SLC13A3: variants seen among roughly 807,000 people sequenced by gnomAD.
SLC13A3 encodes solute carrier family 13 member 3, also known as Na(+)/dicarboxylate cotransporter 3.
A neutral mutation model predicts 59.0 loss-of-function variants in SLC13A3; 40 were observed. The observed-to-expected ratio is 0.68, with a 90% CI of 0.53 to 0.88. The LOEUF (loss-of-function observed/expected upper bound fraction) is 0.88, where lower values mean the gene tolerates loss of function less well. Among genes scored for constraint, SLC13A3 ranks in the 40% least tolerant of loss-of-function variants. The pLI is 0.00. For synonymous variants in SLC13A3, 317 were observed against 330.3 expected, an observed-to-expected ratio of 0.96 and a Z score of 0.44; for missense variants, 699 against 783.2, an observed-to-expected ratio of 0.89 and a Z score of 1.28.
chr20:46,567,829 AAATATG>A (rs1600495900), intron 10 of SLC13A3, among the ~76,000 whole-genome samples: 1 of 152,186 alleles, frequency 6.6e-6, no homozygotes, highest in East Asian at 1.9e-4. Flanking sequence ...GAGGATGTCA[AAATATG>A]CTCAATGCTG....
chr20:46,677,578 G>A (rs1208627917), intron 1 of SLC13A3, among the ~76,000 whole-genome samples: 2 of 152,126 alleles, frequency 1.3e-5, no homozygotes, highest in East Asian at 1.9e-4. Context: ...CTTGTGATGG[G>A]GGCAGAGACT....
chr20:46,621,665 G>A (rs2062615627), intron 1 of SLC13A3, among the ~76,000 whole-genome samples: 1 of 152,162 alleles, frequency 6.6e-6, no homozygotes. Context: ...AGAATAACTG[G>A]CAGCTGAGTC....
intron 4 of SLC13A3, among the ~76,000 whole-genome samples, chr20:46,598,620 G>A (rs2062340297): frequency 1.3e-5 from 2 of 152,174 alleles, no homozygotes; most frequent in African/African-American, 2.4e-5. Context: ...ATGTCTCAAA[G>A]TTGGACTCAA....
At chr20:46,582,327 C>T (rs962916117) in intron 9 of SLC13A3, among the ~76,000 whole-genome samples, 6 of 151,866 alleles carry the variant, frequency 4.0e-5, no homozygotes, top group Non-Finnish European at 7.4e-5. Flanking sequence ...TGGGGTTTCT[C>T]CATGTTGCCA....
upstream of SLC13A3, among the ~76,000 whole-genome samples, chr20:46,656,070 A>C (rs1040615385): frequency 2.1e-5 from 3 of 143,764 alleles, no homozygotes; most frequent in African/African-American, 7.5e-5. Flanking sequence ...ACAGTATACT[A>C]TATATACATA....
chr20:46,596,087 T>G, intron 5 of SLC13A3, 70 bp downstream of exon 5: 4 of 1,408,370 alleles, frequency 2.8e-6, no homozygotes, highest in Non-Finnish European at 3.9e-6. Context: ...ATTCCCTGGA[T>G]GTTGAATGAA....
upstream of SLC13A3, among the ~76,000 whole-genome samples, chr20:46,652,547 A>ATTTTTTTTTTT (rs11471373): frequency 4.2e-5 from 5 of 117,794 alleles, no homozygotes; most frequent in South Asian, 2.8e-4. Context: ...TATCTGGCTA[A>ATTTTTTTTTTT]TTTTTTTTTT....
chr20:46,651,231 C>T (rs2062948588), intron 1 of SLC13A3, 80 bp downstream of exon 1: 2 of 1,400,248 alleles, frequency 1.4e-6, no homozygotes, highest in Non-Finnish European at 1.9e-6. Flanking sequence ...GGGACCTCAG[C>T]GGTCTCCCAA....
At chr20:46,595,548 G>A (rs1451751466) in intron 5 of SLC13A3, among the ~76,000 whole-genome samples, 3 of 152,132 alleles carry the variant, frequency 2.0e-5, no homozygotes, top group Non-Finnish European at 4.4e-5. Flanking sequence ...CATGCCTCCC[G>A]CTGGATCACT....
At chr20:46,612,040 A>C (rs966285280) in intron 2 of SLC13A3, among the ~76,000 whole-genome samples, 6 of 150,664 alleles carry the variant, frequency 4.0e-5, no homozygotes, top group Admixed American at 6.6e-5. Flanking sequence ...TCTGTCACCC[A>C]AAAAAAAATC....
At chr20:46,564,272 C>A (rs1395047898) in intron 11 of SLC13A3, among the ~76,000 whole-genome samples, 1 of 152,230 alleles carries the variant, frequency 6.6e-6, no homozygotes, top group Non-Finnish European at 1.5e-5. Context: ...TCAAACCCCC[C>A]TATGAGCTGG....
chr20:46,594,612 T>C (rs1045710682), intron 5 of SLC13A3, among the ~76,000 whole-genome samples: 1 of 152,178 alleles, frequency 6.6e-6, no homozygotes, highest in Non-Finnish European at 1.5e-5. Flanking sequence ...GGTTTTTCTG[T>C]CACTGAGCTA....
intron 1 of SLC13A3, among the ~76,000 whole-genome samples, chr20:46,632,907 A>AGACAGACG (rs1491431403): frequency 1.3e-4 from 13 of 98,382 alleles, no homozygotes; most frequent in African/African-American, 5.2e-4. Flanking sequence ...ATAGATAGAT[A>AGACAGACG]GATATATCTA....
chr20:46,647,497 G>A (rs1479164443), intron 1 of SLC13A3, among the ~76,000 whole-genome samples: 2 of 152,060 alleles, frequency 1.3e-5, no homozygotes, highest in African/African-American at 2.4e-5. Flanking sequence ...CTTGGAAAAC[G>A]TTGATGTAGT....
chr20:46,564,058 C>G (rs748566292), intron 11 of SLC13A3, among the ~76,000 whole-genome samples: 52 of 152,210 alleles, frequency 3.4e-4, no homozygotes, highest in African/African-American at 1.2e-3. Context: ...CGTGTTCCCC[C>G]GGTGCTGCTG....
At chr20:46,620,178 T>C (rs1311471467) in intron 1 of SLC13A3, among the ~76,000 whole-genome samples, 1 of 152,238 alleles carries the variant, frequency 6.6e-6, no homozygotes, top group Non-Finnish European at 1.5e-5. Context: ...CCTGGGACTG[T>C]TCTAAGTATG....
At chr20:46,609,816 C>G (rs1448057311) in intron 3 of SLC13A3, among the ~76,000 whole-genome samples, 5 of 152,230 alleles carry the variant, frequency 3.3e-5, no homozygotes, top group African/African-American at 1.2e-4. Context: ...TCCCACACCA[C>G]AGAGAGCGCT....
rs147550169 is a variant in SLC13A3 at position 46,607,807 on chromosome 20, C to T, written c.541+2639G>A. On this transcript the variant is annotated intron_variant, in intron 3 of 12. Transcript: ENST00000279027. ...CAGCCCGGATTCAAAATACCAGAGC[C>T]ACAGTTTGGAAACTGCGTAACGGGG... Among the ~76,000 whole-genome samples, 304 of 152,302 alleles carry T rather than the reference C, an allele frequency of 2.0e-3. 3 individuals are homozygous for T. The highest frequency in any genetic ancestry group is 6.8e-3 in the African/African-American group (282 of 41,564).
In SLC13A3 at chr20:46,596,333, G is replaced by T. The variant is rs772562442; in HGVS notation, c.618C>A (p.His206Gln). 6.2e-7 allele frequency: 1 copy of T among 1,613,964 alleles called. No homozygotes were observed. Among genetic ancestry groups the T allele is most frequent in the South Asian group, 1.1e-5 (1 of 91,032 alleles). ...CCAGTGGAACCTCTGTCTCCCCAGG[G>T]TGGTCTTTGCTTTAAACAAATCCAA... ...QFLASTEAKDHPGETEVPLDL... is the reference protein window; with the variant it reads ...QFLASTEAKDQPGETEVPLDL... The change falls in exon 5 of 13, where the codon CAC becomes CAA. Residue 206 changes from histidine to glutamine, a missense_variant. By Grantham distance (24) the His-to-Gln change is conservative. Coordinates refer to ENST00000279027, the MANE Select transcript of SLC13A3 (RefSeq NM_022829.6).
Sources: gnomAD v4.1 joint callset for allele counts (sites outside exome capture counted in the v4.1 genomes callset) on GRCh38, gnomAD v4.1.1 for gene constraint, MANE v1.5 for transcripts, NCBI Gene and HGNC (gene_info 2026-07-23, HGNC 2026-07-21) for gene names.